Variants in SHLD1 observed in about 807,000 individuals in gnomAD.
SHLD1 encodes the protein shieldin complex subunit 1, also known as RINN1-REV7-interacting novel NHEJ regulator 3.
In SHLD1, 3 loss-of-function variants were observed where a neutral mutation model predicts 5.5. The observed-to-expected ratio is 0.54, with a 90% CI of 0.25 to 1.40. The LOEUF (loss-of-function observed/expected upper bound fraction) is 1.40. Among genes scored for constraint, SHLD1 ranks in the 40% most tolerant of loss-of-function variants. The probability of loss-of-function intolerance (pLI) is 0.15; values close to 1 mark genes in which losing one functional copy is unlikely to be tolerated. For synonymous variants in SHLD1, 92 were observed against 94.3 expected (o/e 0.98, Z 0.14); for missense variants, 210 against 244.4 (o/e 0.86, Z 0.94).
At chr20:5,861,945 G>T (rs975485672) in intron 2 of SHLD1, among the ~76,000 whole-genome samples, 12 of 152,146 alleles carry the variant, frequency 7.9e-5, no homozygotes, top group African/African-American at 2.9e-4. Flanking sequence ...TTCTGGTGAG[G>T]GCTCCTTTCC....
At chr20:5,838,725 C>G (rs1050821812) in intron 2 of SHLD1, among the ~76,000 whole-genome samples, 1 of 152,210 alleles carries the variant, frequency 6.6e-6, no homozygotes, top group Admixed American at 6.5e-5. Context: ...TTGCAGTGAG[C>G]TGAGACGGCG....
At chr20:5,755,162 G>T (rs1424063316) in intron 1 of SHLD1, among the ~76,000 whole-genome samples, 1 of 152,178 alleles carries the variant, frequency 6.6e-6, no homozygotes, top group South Asian at 2.1e-4. Flanking sequence ...GCTTTAGAGA[G>T]AATAGGTACT....
At chr20:5,821,211 T>C (rs1012918482) in intron 2 of SHLD1, among the ~76,000 whole-genome samples, 1 of 152,214 alleles carries the variant, frequency 6.6e-6, no homozygotes, top group African/African-American at 2.4e-5. Context: ...AAAATATAGT[T>C]TGTTTAAACT....
chr20:5,845,399 C>T (rs1247974485), intron 2 of SHLD1, among the ~76,000 whole-genome samples: 5 of 152,170 alleles, frequency 3.3e-5, no homozygotes, highest in Non-Finnish European at 5.9e-5. Context: ...CAGTAAAGGA[C>T]TTGCTAGGAC....
intron 2 of SHLD1, among the ~76,000 whole-genome samples, chr20:5,792,784 G>A (rs2087159942): frequency 6.6e-6 from 1 of 151,620 alleles, no homozygotes; most frequent in African/African-American, 2.4e-5. Flanking sequence ...AGAGATTCAT[G>A]TGCCTCAGCC....
At chr20:5,829,725 T>G (rs1032094309) in intron 2 of SHLD1, among the ~76,000 whole-genome samples, 2 of 152,188 alleles carry the variant, frequency 1.3e-5, no homozygotes, top group African/African-American at 4.8e-5. Flanking sequence ...AATTTACCAG[T>G]GAGTGGTTGG....
intron 2 of SHLD1, among the ~76,000 whole-genome samples, chr20:5,791,313 C>T (rs2087135956): frequency 6.6e-6 from 1 of 151,862 alleles, no homozygotes; most frequent in South Asian, 2.1e-4. Context: ...ACCTGTAATC[C>T]TAGCACTCTG....
intron 2 of SHLD1, among the ~76,000 whole-genome samples, chr20:5,834,666 A>G (rs2087769238): frequency 6.6e-6 from 1 of 152,240 alleles, no homozygotes; most frequent in South Asian, 2.1e-4. Context: ...GGTCTTTGGT[A>G]AAGATCTGTT....
At chr20:5,784,649 AC>A (rs2087033960) in intron 2 of SHLD1, among the ~76,000 whole-genome samples, 1 of 151,822 alleles carries the variant, frequency 6.6e-6, no homozygotes, top group Non-Finnish European at 1.5e-5. Flanking sequence ...ACGGGGTTTC[AC>A]CGTGTTAGCC....
In SHLD1 at chr20:5,855,089, G is replaced by A. The variant is rs993129342; in HGVS notation, c.179-7935G>A. ...GGCAGGGTCTTGCTATGTTGCCTAG[G>A]TTGGTCTCAAACTCCTGGCTTCAAG... On this transcript the variant is annotated intron_variant, in intron 2 of 2. Transcript: ENST00000303142. The surrounding 1 kb of genome is among the most constrained non-coding windows in gnomAD (Gnocchi z 4.4). 6.6e-6 allele frequency among the ~76,000 whole-genome samples: 1 copy of A among 151,782 alleles called. No homozygotes were observed. Among genetic ancestry groups the A allele is most frequent in the Non-Finnish European group, 1.5e-5 (1 of 67,962 alleles).
At chr20:5,854,872 C>CTTTTTTTTTTTTTTTTTTTTTTT (rs55776293) in intron 2 of SHLD1, among the ~76,000 whole-genome samples, 1 of 130,034 alleles carries the variant, frequency 7.7e-6, no homozygotes, top group Non-Finnish European at 1.5e-5. Context: ...CTCTATGACT[C>CTTTTTTTTTTTTTTTTTTTTTTT]TTTTTTTTTT....
Position 5,781,677 on chromosome 20 carries a change from C to G in SHLD1, c.178+8634C>G, listed in dbSNP as rs150574303. On this transcript the variant is annotated intron_variant, in intron 2 of 2. Transcript: ENST00000303142. ...TATTTTTAGTAGAGACAGGGTTTCA[C>G]CATGTTGGCCAGGCTGGTCTTGAAC... Among the ~76,000 whole-genome samples the G allele has an allele frequency of 4.3e-3, 647 of 152,216 alleles. 1 individual carries two copies. Among genetic ancestry groups the G allele is most frequent in the African/African-American group, 0.015 (609 of 41,526 alleles).
At chr20:5,856,855 CA>C (rs1168271342) in intron 2 of SHLD1, among the ~76,000 whole-genome samples, 1 of 152,180 alleles carries the variant, frequency 6.6e-6, no homozygotes, top group African/African-American at 2.4e-5. Context: ...TTTGTGGTTG[CA>C]AAAAGTTACG....
At chr20:5,820,322 A>G (rs2087592419) in intron 2 of SHLD1, among the ~76,000 whole-genome samples, 3 of 152,250 alleles carry the variant, frequency 2.0e-5, no homozygotes, top group African/African-American at 4.8e-5. Context: ...TGCTACGCCA[A>G]TAAACACTCA....
At chr20:5,756,392 A>G (rs1038855377) in intron 1 of SHLD1, among the ~76,000 whole-genome samples, 2 of 152,082 alleles carry the variant, frequency 1.3e-5, no homozygotes, top group African/African-American at 4.8e-5. Context: ...AAGTCTTTTG[A>G]TCCACGAACA....
rs2088196005 is a variant in SHLD1 at position 5,863,831 on chromosome 20, G to C, written c.*368G>C. ...CATTACATGAAATCACACCCTTGCT[G>C]GGCTTAATCCCTTTCCCTACCCTCC... On this transcript the variant is annotated 3_prime_UTR_variant, in exon 3 of 3. Coordinates refer to ENST00000303142, the MANE Select transcript of SHLD1 (RefSeq NM_152504.4). 5.6e-6 allele frequency: 1 copy of C among 177,436 alleles called. No individual in the cohort carries two copies. The highest frequency in any genetic ancestry group is 1.8e-4 in the South Asian group (1 of 5,572). 11.0% of individuals were successfully genotyped at this position (177,436 alleles called of 1,614,324 possible). A position where few individuals can be genotyped will look rare whatever the true frequency, so the allele number is the denominator to read the frequency against.
chr20:5,822,452 C>T (rs2087616597), intron 2 of SHLD1, among the ~76,000 whole-genome samples: 1 of 151,996 alleles, frequency 6.6e-6, no homozygotes, highest in South Asian at 2.1e-4. Context: ...GAGTGAGACT[C>T]TATCTCAAAA....
chr20:5,831,501 TTCA>T (rs1319397487), intron 2 of SHLD1, among the ~76,000 whole-genome samples: 8 of 152,110 alleles, frequency 5.3e-5, no homozygotes, highest in South Asian at 2.1e-4. Context: ...CATATCTCCA[TTCA>T]GGAGATATGA....
intron 1 of SHLD1, among the ~76,000 whole-genome samples, chr20:5,770,575 T>C (rs1207193612): frequency 1.3e-5 from 2 of 152,222 alleles, no homozygotes; most frequent in African/African-American, 4.8e-5. Flanking sequence ...ATCTATCAAT[T>C]TCAGGCAAGC....
Sources: gnomAD v4.1 joint callset for allele counts (sites outside exome capture counted in the v4.1 genomes callset) on GRCh38, gnomAD v4.1.1 for gene constraint, Gnocchi (gnomAD v3.1) non-coding constraint, MANE v1.5 for transcripts, NCBI Gene and HGNC (gene_info 2026-07-23, HGNC 2026-07-21) for gene names.